The following LHFPL6 variants were observed in gnomAD, a reference collection of about 807,000 sequenced individuals.
LHFPL6 encodes LHFPL tetraspan subfamily member 6, also known as LHFPL tetraspan subfamily member 6 protein.
LHFPL6 carries 9 observed loss-of-function variants against 20.6 expected under a neutral mutation model. The observed-to-expected ratio is 0.44, with a 90% CI of 0.26 to 0.76. The LOEUF (loss-of-function observed/expected upper bound fraction) is 0.76, where lower values mean the gene tolerates loss of function less well. Ranked by LOEUF, LHFPL6 falls within the 30% of genes least tolerant of loss-of-function variation. The probability of loss-of-function intolerance (pLI) is 0.20; values close to 1 mark genes in which losing one functional copy is unlikely to be tolerated. For missense variants in LHFPL6, 218 were observed against 253.5 expected (o/e 0.86, Z 0.95); for synonymous variants, 105 against 98.7 (o/e 1.06, Z -0.38).
At chr13:39,570,180 TCACCCAGGCTGGAG>T (rs1174761270) in intron 2 of LHFPL6, among the ~76,000 whole-genome samples, 1 of 152,182 alleles carries the variant, frequency 6.6e-6, no homozygotes, top group Non-Finnish European at 1.5e-5. Flanking sequence ...TCTTGCTCTG[TCACCCAGGCTGGAG>T]TTCAGTGGCA....
chr13:39,403,329 A>G (rs983561188), intron 2 of LHFPL6, among the ~76,000 whole-genome samples: 15 of 152,328 alleles, frequency 9.8e-5, no homozygotes, highest in African/African-American at 3.4e-4. Flanking sequence ...CAAGAAAGAA[A>G]GTTAATTAGT....
chr13:39,583,057 T>C (rs904844879), intron 2 of LHFPL6, among the ~76,000 whole-genome samples: 2 of 152,100 alleles, frequency 1.3e-5, no homozygotes, highest in Admixed American at 1.3e-4. Context: ...AACAGACCTC[T>C]GACCTTGGGG....
intron 3 of LHFPL6, among the ~76,000 whole-genome samples, chr13:39,347,080 CAAAAAAAA>C (rs11328909): frequency 1.3e-5 from 1 of 76,578 alleles, no homozygotes; most frequent in Non-Finnish European, 2.5e-5. Flanking sequence ...ACTCTGTCTC[CAAAAAAAA>C]AAAAAAAAAA....
intron 2 of LHFPL6, among the ~76,000 whole-genome samples, chr13:39,481,200 A>G (rs145420786): frequency 6.7e-4 from 102 of 152,348 alleles, no homozygotes; most frequent in African/African-American, 2.1e-3. Flanking sequence ...AAAAAACATC[A>G]GGCAATAAAA....
At chr13:39,527,673 G>T (rs541617383) in intron 2 of LHFPL6, among the ~76,000 whole-genome samples, 4 of 150,338 alleles carry the variant, frequency 2.7e-5, no homozygotes, top group African/African-American at 7.3e-5. Flanking sequence ...ATAGTACCTG[G>T]GCTCCTTCTG....
At chr13:39,495,839 G>A (rs1422264129) in intron 2 of LHFPL6, among the ~76,000 whole-genome samples, 1 of 143,568 alleles carries the variant, frequency 7.0e-6, no homozygotes, top group East Asian at 2.0e-4. Flanking sequence ...GCATGGCCAG[G>A]GTTGGGACCA....
chr13:39,504,189 A>G (rs17060071), intron 2 of LHFPL6, among the ~76,000 whole-genome samples: 16,502 of 152,226 alleles, frequency 0.11, 1,768 homozygotes, highest in East Asian at 0.61. Context: ...TTTAAAGCAT[A>G]TAGTTTAATC....
intron 2 of LHFPL6, among the ~76,000 whole-genome samples, chr13:39,388,700 A>T (rs112936600): frequency 5.6e-4 from 86 of 152,316 alleles, no homozygotes; most frequent in African/African-American, 2.0e-3. Flanking sequence ...ATTAGGATGC[A>T]CAGTGTTGTG....
At chr13:39,365,374 G>A (rs779669507) in intron 3 of LHFPL6, among the ~76,000 whole-genome samples, 8 of 152,110 alleles carry the variant, frequency 5.3e-5, no homozygotes, top group Admixed American at 1.3e-4. Flanking sequence ...CTAGAGAACC[G>A]GAACGGAACT....
chr13:39,425,953 T>C (rs552129124), intron 2 of LHFPL6, among the ~76,000 whole-genome samples: 19 of 152,280 alleles, frequency 1.2e-4, no homozygotes, highest in African/African-American at 3.4e-4. Flanking sequence ...CAAGCTACCA[T>C]GGCCCACTGT....
chr13:39,425,012 T>C (rs914478508), intron 2 of LHFPL6, among the ~76,000 whole-genome samples: 2 of 152,124 alleles, frequency 1.3e-5, no homozygotes, highest in African/African-American at 4.8e-5. Context: ...ATGAAGATAA[T>C]GAACATATCT....
At chr13:39,402,811 C>G (rs958064839) in intron 2 of LHFPL6, among the ~76,000 whole-genome samples, 2 of 152,334 alleles carry the variant, frequency 1.3e-5, no homozygotes, top group Admixed American at 6.5e-5. Context: ...AAGGCGTAGC[C>G]AGCAGCTTAA....
chr13:39,530,325 A>T (rs911690130), intron 2 of LHFPL6, among the ~76,000 whole-genome samples: 14 of 152,020 alleles, frequency 9.2e-5, no homozygotes, highest in Non-Finnish European at 1.9e-4. Flanking sequence ...AGATGCCCAG[A>T]TCCCATTCCA....
At chr13:39,350,264 T>C (rs1869525732) in intron 3 of LHFPL6, among the ~76,000 whole-genome samples, 1 of 152,180 alleles carries the variant, frequency 6.6e-6, no homozygotes, top group South Asian at 2.1e-4. Flanking sequence ...CATAAAACTA[T>C]AAATGTGAAA....
At chr13:39,481,063 T>C (rs1488075510) in intron 2 of LHFPL6, among the ~76,000 whole-genome samples, 1 of 152,182 alleles carries the variant, frequency 6.6e-6, no homozygotes, top group Non-Finnish European at 1.5e-5. Flanking sequence ...GGATTGGTTT[T>C]CCCCCTTATT....
At chr13:39,550,265 G>A (rs145976702) in intron 2 of LHFPL6, among the ~76,000 whole-genome samples, 1 of 152,064 alleles carries the variant, frequency 6.6e-6, no homozygotes, top group South Asian at 2.1e-4. Flanking sequence ...AGGTGGAAGG[G>A]TTGACTAGAA....
chr13:39,429,133 A>T (rs1871722492), intron 2 of LHFPL6, among the ~76,000 whole-genome samples: 1 of 151,896 alleles, frequency 6.6e-6, no homozygotes, highest in Non-Finnish European at 1.5e-5. Flanking sequence ...TTACTGTGCA[A>T]ATGTCAATTA....
At chr13:39,496,550 A>G (rs1301164962) in intron 2 of LHFPL6, among the ~76,000 whole-genome samples, 1 of 152,222 alleles carries the variant, frequency 6.6e-6, no homozygotes, top group African/African-American at 2.4e-5. Context: ...CAGGCATGCA[A>G]TGACATTTAT....
chr13:39,594,548 C>T (rs986148540), intron 2 of LHFPL6, among the ~76,000 whole-genome samples: 7 of 152,124 alleles, frequency 4.6e-5, no homozygotes, highest in Non-Finnish European at 8.8e-5. Flanking sequence ...CCATTGTGGA[C>T]GTCGGTGTGG....
Sources: gnomAD v4.1 joint callset for allele counts (sites outside exome capture counted in the v4.1 genomes callset) on GRCh38, gnomAD v4.1.1 for gene constraint, MANE v1.5 for transcripts, NCBI Gene and HGNC (gene_info 2026-07-23, HGNC 2026-07-21) for gene names.